IDE: variants seen among roughly 807,000 people sequenced by gnomAD.
IDE encodes insulin-degrading enzyme.
In IDE, 58 loss-of-function variants were observed where a neutral mutation model predicts 133.2. The observed-to-expected ratio is 0.44, with a 90% confidence interval of 0.35 to 0.54. The LOEUF is 0.54. IDE is among the 20% of genes least tolerant of loss of function. IDE has a pLI of 0.00. For missense variants in IDE, 981 were observed against 1,234.0 expected (o/e 0.79, Z 3.07); for synonymous variants, 396 against 421.3 (o/e 0.94, Z 0.73).
chr10:92,481,079 C>T (rs902152983), intron 14 of IDE, among the ~76,000 whole-genome samples: 5 of 152,192 alleles, frequency 3.3e-5, no homozygotes, highest in Non-Finnish European at 7.3e-5. Context: ...AGATTTCCTT[C>T]TTTTGGCAAA....
intron 1 of IDE, among the ~76,000 whole-genome samples, chr10:92,548,460 C>A (rs566006591): frequency 6.7e-6 from 1 of 150,358 alleles, no homozygotes; most frequent in East Asian, 1.9e-4. Flanking sequence ...ACTCAGACAA[C>A]CTTTCACAGA....
intron 1 of IDE, among the ~76,000 whole-genome samples, chr10:92,551,944 T>C (rs1331183574): frequency 6.6e-6 from 1 of 152,146 alleles, no homozygotes; most frequent in Admixed American, 6.6e-5. Flanking sequence ...GAGACCAGTC[T>C]GGGCAACATA....
intron 1 of IDE, among the ~76,000 whole-genome samples, chr10:92,569,142 T>C (rs1345996074): frequency 6.6e-6 from 1 of 152,194 alleles, no homozygotes; most frequent in Admixed American, 6.5e-5. Flanking sequence ...TTTAGTCATA[T>C]AAAGAAAAGA....
intron 3 of IDE, among the ~76,000 whole-genome samples, chr10:92,534,376 C>A (rs768990596): frequency 2.4e-4 from 36 of 152,216 alleles, no homozygotes; most frequent in Non-Finnish European, 4.7e-4. Context: ...AAATTCTATA[C>A]CTCAATAAAA....
chr10:92,555,686 C>T (rs1270924300), intron 1 of IDE, among the ~76,000 whole-genome samples: 1 of 152,016 alleles, frequency 6.6e-6, no homozygotes, highest in Admixed American at 6.6e-5. Context: ...AGAGAATTTC[C>T]TCAACCTGAA....
intron 1 of IDE, among the ~76,000 whole-genome samples, chr10:92,548,099 C>T (rs956047506): frequency 2.6e-5 from 4 of 152,022 alleles, no homozygotes; most frequent in Admixed American, 6.6e-5. Flanking sequence ...ATGGCTCATG[C>T]CTGTAATCCC....
chr10:92,573,894 G>A (rs997894236), intron 1 of IDE, 28 bp downstream of exon 1: 26 of 1,419,944 alleles, frequency 1.8e-5, no homozygotes, highest in African/African-American at 7.7e-5. Flanking sequence ...CACGGGGCCC[G>A]AGGGCCCGGG....
chr10:92,553,484 C>A (rs72809200), intron 1 of IDE, among the ~76,000 whole-genome samples: 3 of 151,046 alleles, frequency 2.0e-5, no homozygotes, highest in Non-Finnish European at 4.4e-5. Context: ...AGAGAGAATA[C>A]CTCCAAACTC....
chr10:92,507,309 C>G (rs1229409368), intron 9 of IDE, among the ~76,000 whole-genome samples: 6 of 152,156 alleles, frequency 3.9e-5, no homozygotes, highest in Non-Finnish European at 8.8e-5. Context: ...TGATTTTCTT[C>G]TGAGTGATGG....
At chr10:92,492,355 A>T (rs1471842935) in intron 11 of IDE, among the ~76,000 whole-genome samples, 1 of 152,132 alleles carries the variant, frequency 6.6e-6, no homozygotes, top group Non-Finnish European at 1.5e-5. Context: ...AGACTAGAGG[A>T]GCAAAAGAAG....
At chr10:92,498,015 A>G (rs1847808897) in intron 11 of IDE, among the ~76,000 whole-genome samples, 1 of 152,226 alleles carries the variant, frequency 6.6e-6, no homozygotes, top group African/African-American at 2.4e-5. Flanking sequence ...ATTATATGGT[A>G]TAACTTTAAT....
intron 11 of IDE, among the ~76,000 whole-genome samples, chr10:92,494,206 C>T (rs1031763655): frequency 2.7e-5 from 4 of 149,498 alleles, no homozygotes; most frequent in Non-Finnish European, 4.4e-5. Flanking sequence ...GGACTACAGG[C>T]ATATACCACC....
chr10:92,506,554 GC>G, intron 9 of IDE, 32 bp from the exon 10 acceptor site: 1 of 1,066,382 alleles, frequency 9.4e-7, no homozygotes, highest in Non-Finnish European at 1.4e-6. Flanking sequence ...ATTAGATACG[GC>G]CACCCTTATT....
intron 4 of IDE, 72 bp from the exon 5 acceptor site, chr10:92,515,114 T>C: frequency 2.5e-6 from 3 of 1,183,754 alleles, no homozygotes; most frequent in Non-Finnish European, 3.7e-6. Flanking sequence ...TAATTATCAC[T>C]GATATTGCTT....
intron 13 of IDE, among the ~76,000 whole-genome samples, chr10:92,485,283 G>A (rs938250942): frequency 6.6e-6 from 1 of 151,746 alleles, no homozygotes; most frequent in African/African-American, 2.4e-5. Flanking sequence ...GCGCCACCAC[G>A]CCCAGCTAAT....
intron 4 of IDE, among the ~76,000 whole-genome samples, chr10:92,519,163 A>G (rs1849082587): frequency 6.6e-6 from 1 of 152,344 alleles, no homozygotes; most frequent in South Asian, 2.1e-4. Context: ...TGAGTGAATC[A>G]TTATACAAAA....
chr10:92,487,380 T>A (rs2135445544), intron 12 of IDE, 62 bp from the exon 13 acceptor site: 3 of 1,402,090 alleles, frequency 2.1e-6, no homozygotes, highest in East Asian at 2.3e-5. Context: ...TAAAATAGTA[T>A]CTCTGCTCAA....
chr10:92,520,667 A>G (rs1172355094), intron 4 of IDE, among the ~76,000 whole-genome samples: 2 of 152,222 alleles, frequency 1.3e-5, no homozygotes, highest in African/African-American at 4.8e-5. Context: ...GCCTTTTGAT[A>G]TATGTGAATT....
At chr10:92,527,014 A>C (rs967096112) in intron 4 of IDE, among the ~76,000 whole-genome samples, 2 of 152,026 alleles carry the variant, frequency 1.3e-5, no homozygotes, top group African/African-American at 4.8e-5. Context: ...AAGGATTTTA[A>C]ATTTCAATGA....
Sources: gnomAD v4.1 joint callset for allele counts (sites outside exome capture counted in the v4.1 genomes callset) on GRCh38, gnomAD v4.1.1 for gene constraint, MANE v1.5 for transcripts, NCBI Gene and HGNC (gene_info 2026-07-23, HGNC 2026-07-21) for gene names.